Variants in CNTNAP5 observed in about 807,000 individuals in gnomAD.
The protein encoded by CNTNAP5 is contactin-associated protein-like 5.
In CNTNAP5, 72 loss-of-function variants were observed where a neutral mutation model predicts 150.2. That is an observed-to-expected ratio of 0.48 (90% CI 0.40 to 0.58). The LOEUF is 0.58. Ranked by LOEUF, CNTNAP5 falls within the 20% of genes least tolerant of loss-of-function variation. The pLI is 0.00. For missense variants in CNTNAP5, 1,636 were observed against 1,626.2 expected (o/e 1.01, Z -0.10); for synonymous variants, 672 against 619.8 (o/e 1.08, Z -1.25).
chr2:124,340,914 A>T (rs986336655), intron 3 of CNTNAP5, among the ~76,000 whole-genome samples: 1 of 148,110 alleles, frequency 6.8e-6, no homozygotes, highest in Non-Finnish European at 1.5e-5. Context: ...ACACACACAT[A>T]TATATATATA....
chr2:124,091,527 G>C (rs1682813210), intron 1 of CNTNAP5, among the ~76,000 whole-genome samples: 1 of 152,102 alleles, frequency 6.6e-6, no homozygotes, highest in Non-Finnish European at 1.5e-5. Context: ...CATGAATATG[G>C]GGTTGCCAGG....
At chr2:124,390,895 C>T (rs1691093307) in intron 3 of CNTNAP5, among the ~76,000 whole-genome samples, 1 of 152,078 alleles carries the variant, frequency 6.6e-6, no homozygotes, top group African/African-American at 2.4e-5. Flanking sequence ...AGGCAGAAGA[C>T]TGGAATTGAG....
chr2:124,263,406 T>A (rs1313368254), intron 3 of CNTNAP5, among the ~76,000 whole-genome samples: 1 of 152,248 alleles, frequency 6.6e-6, no homozygotes, highest in Admixed American at 6.5e-5. Context: ...CCAGTGATGA[T>A]GAGCATTTTT....
At chr2:124,189,422 C>G (rs1233576219) in intron 1 of CNTNAP5, among the ~76,000 whole-genome samples, 1 of 152,112 alleles carries the variant, frequency 6.6e-6, no homozygotes, top group Non-Finnish European at 1.5e-5. Flanking sequence ...CCTCACACAC[C>G]TACCATGCAT....
intron 3 of CNTNAP5, among the ~76,000 whole-genome samples, chr2:124,379,915 A>G (rs1235865453): frequency 2.0e-5 from 3 of 152,120 alleles, no homozygotes; most frequent in African/African-American, 4.8e-5. Context: ...ATTGTTCCTG[A>G]TACTTTGGTT....
At chr2:124,513,158 A>G (rs1180945271) in intron 8 of CNTNAP5, among the ~76,000 whole-genome samples, 3 of 152,192 alleles carry the variant, frequency 2.0e-5, no homozygotes, top group African/African-American at 7.2e-5. Context: ...GGAGGCTACA[A>G]ATCCAGGATC....
At chr2:124,337,884 AAAG>A (rs1689515733) in intron 3 of CNTNAP5, among the ~76,000 whole-genome samples, 1 of 152,046 alleles carries the variant, frequency 6.6e-6, no homozygotes, top group Non-Finnish European at 1.5e-5. Flanking sequence ...TATGAACTTT[AAAG>A]TAGTTTTTTC....
chr2:124,350,792 G>C (rs1400619700), intron 3 of CNTNAP5, among the ~76,000 whole-genome samples: 1 of 152,102 alleles, frequency 6.6e-6, no homozygotes, highest in Non-Finnish European at 1.5e-5. Flanking sequence ...CTTGGACCCA[G>C]AATGTACATA....
At chr2:124,196,140 C>A (rs1465907947) in intron 1 of CNTNAP5, among the ~76,000 whole-genome samples, 1 of 152,008 alleles carries the variant, frequency 6.6e-6, no homozygotes, top group African/African-American at 2.4e-5. Flanking sequence ...TGTCAAGCTA[C>A]ATGCACAATG....
intron 13 of CNTNAP5, among the ~76,000 whole-genome samples, chr2:124,656,347 G>A (rs144492098): frequency 3.7e-4 from 57 of 152,118 alleles, no homozygotes; most frequent in African/African-American, 1.2e-3. Flanking sequence ...ATTTTTTCCC[G>A]TGAGGGACTT....
At chr2:124,647,671 C>A in intron 12 of CNTNAP5, 87 bp from the exon 13 acceptor site, 3 of 1,230,716 alleles carry the variant, frequency 2.4e-6, no homozygotes, top group Non-Finnish European at 2.2e-6. Context: ...TAATGTTGCA[C>A]GCTGAGTGGC....
chr2:124,030,401 GT>G, intron 1 of CNTNAP5, among the ~76,000 whole-genome samples: 1 of 152,216 alleles, frequency 6.6e-6, no homozygotes, highest in East Asian at 1.9e-4. Context: ...GTTAGTAGAA[GT>G]TAATGATTTC....
At chr2:124,609,774 T>G in intron 11 of CNTNAP5, 27 bp from the exon 12 acceptor site, 1 of 1,610,356 alleles carries the variant, frequency 6.2e-7, no homozygotes, top group Non-Finnish European at 8.5e-7. Flanking sequence ...AAGCAAAGTT[T>G]TATCTCTGCT....
chr2:124,404,482 C>T (rs1691518035), intron 3 of CNTNAP5, among the ~76,000 whole-genome samples: 1 of 152,180 alleles, frequency 6.6e-6, no homozygotes, highest in Non-Finnish European at 1.5e-5. Context: ...CTCACAGTGT[C>T]TCCCCATACC....
chr2:124,747,927 G>T (rs566719184), intron 14 of CNTNAP5, among the ~76,000 whole-genome samples: 3 of 147,956 alleles, frequency 2.0e-5, no homozygotes, highest in African/African-American at 7.5e-5. Flanking sequence ...ATGAGCCACC[G>T]CACTTGGCCC....
At chr2:124,458,699 A>G (rs1379445283) in intron 6 of CNTNAP5, among the ~76,000 whole-genome samples, 2 of 152,310 alleles carry the variant, frequency 1.3e-5, no homozygotes, top group East Asian at 3.9e-4. Context: ...AAATAATGCT[A>G]AACAATCATA....
At chr2:124,856,442 T>G (rs1486357042) in intron 19 of CNTNAP5, among the ~76,000 whole-genome samples, 1 of 152,220 alleles carries the variant, frequency 6.6e-6, no homozygotes, top group Non-Finnish European at 1.5e-5. Context: ...TGTACTAGTT[T>G]ACATTCCCAC....
At chr2:124,523,736 T>C (rs1333896473) in intron 8 of CNTNAP5, among the ~76,000 whole-genome samples, 1 of 152,188 alleles carries the variant, frequency 6.6e-6, no homozygotes, top group Non-Finnish European at 1.5e-5. Context: ...ACTTTGACAA[T>C]GTCTCCTAAT....
chr2:124,090,958 G>A (rs1682799609), intron 1 of CNTNAP5, among the ~76,000 whole-genome samples: 1 of 152,188 alleles, frequency 6.6e-6, no homozygotes, highest in Non-Finnish European at 1.5e-5. Flanking sequence ...TGTTTAATAA[G>A]TGTGTTTCAA....
Sources: allele counts gnomAD v4.1 joint callset (sites outside exome capture counted in the v4.1 genomes callset), GRCh38; gene constraint gnomAD v4.1.1; transcripts MANE v1.5; gene names NCBI Gene and HGNC (gene_info 2026-07-23, HGNC 2026-07-21).